Variants in ADAMTS9 observed in about 807,000 individuals in gnomAD.
ADAMTS9 encodes the protein A disintegrin and metalloproteinase with thrombospondin motifs 9.
In ADAMTS9, 107 loss-of-function variants were observed where a neutral mutation model predicts 257.1. That is an observed-to-expected ratio of 0.42 (90% confidence interval 0.36 to 0.49). ADAMTS9 has a LOEUF of 0.49. Among genes scored for constraint, ADAMTS9 ranks in the 20% least tolerant of loss-of-function variants. The pLI is 0.03. For missense variants in ADAMTS9, 2,353 were observed against 2,469.1 expected, an observed-to-expected ratio of 0.95 and a Z score of 1.00; for synonymous variants, 982 against 880.9, an observed-to-expected ratio of 1.11 and a Z score of -2.03.
chr3:64,677,694 T>A (rs1347855425), intron 3 of ADAMTS9, among the ~76,000 whole-genome samples: 1 of 152,232 alleles, frequency 6.6e-6, no homozygotes, highest in African/African-American at 2.4e-5. Flanking sequence ...GCTTTCATTA[T>A]TTCATACTCA....
Position 64,579,140 on chromosome 3 carries a change from G to A in ADAMTS9, c.4357-10605C>T, listed in dbSNP as rs530882547. ...TGCCCAACAGTCTGCCTCCATGTTC[G>A]TCTCCCTCAGTTTCATCTGTAATTT... On this transcript the variant is annotated intron_variant, in intron 28 of 39. Coordinates refer to ENST00000498707, the MANE Select transcript of ADAMTS9 (RefSeq NM_182920.2). 1.1e-4 allele frequency among the ~76,000 whole-genome samples: 17 copies of A among 152,058 alleles called. No individual in the cohort carries two copies. The South Asian group carries it at 3.5e-3, about 32-fold the overall frequency.
At chr3:64,572,758 G>T (rs1262255717) in intron 28 of ADAMTS9, among the ~76,000 whole-genome samples, 1 of 152,176 alleles carries the variant, frequency 6.6e-6, no homozygotes, top group Non-Finnish European at 1.5e-5. Context: ...AGGCTTCTGG[G>T]TGGGGCTGGA....
At chr3:64,619,032 C>T (rs1276974174) in intron 19 of ADAMTS9, among the ~76,000 whole-genome samples, 1 of 152,132 alleles carries the variant, frequency 6.6e-6, no homozygotes, top group East Asian at 1.9e-4. Context: ...ACAGCTCAAA[C>T]ATTATCTCCA....
intron 28 of ADAMTS9, 131 bp from the exon 29 acceptor site, chr3:64,568,666 T>C: frequency 9.3e-7 from 1 of 1,074,740 alleles, no homozygotes; most frequent in Non-Finnish European, 1.4e-6. Context: ...CAGCGCCAGT[T>C]TGGATAATAT....
chr3:64,561,520 A>C, intron 30 of ADAMTS9, 58 bp downstream of exon 30: 1 of 1,553,340 alleles, frequency 6.4e-7, no homozygotes, highest in African/African-American at 1.4e-5. Flanking sequence ...AGATGTGAGG[A>C]TAGCAAGGGG....
chr3:64,656,286 T>C (rs1238964643), intron 4 of ADAMTS9, among the ~76,000 whole-genome samples: 2 of 152,320 alleles, frequency 1.3e-5, no homozygotes, highest in African/African-American at 4.8e-5. Flanking sequence ...CTTGACAACC[T>C]CGTTAACCTG....
intron 12 of ADAMTS9, among the ~76,000 whole-genome samples, chr3:64,638,287 G>A (rs942323160): frequency 5.9e-5 from 9 of 152,280 alleles, no homozygotes; most frequent in African/African-American, 2.2e-4. Context: ...CCACAAGGAA[G>A]CTCTGAGCCA....
chr3:64,521,662 A>C (rs7625987), intron 39 of ADAMTS9: 3,843 of 152,498 alleles, frequency 0.025, 117 homozygotes, highest in East Asian at 0.071. Context: ...AGCTGGAGGC[A>C]ATTTTCCTAA....
At chr3:64,621,048 C>T (rs1027227632) in intron 19 of ADAMTS9, 66 bp downstream of exon 19, 5 of 1,540,368 alleles carry the variant, frequency 3.2e-6, no homozygotes, top group Non-Finnish European at 2.6e-6. Context: ...TTTGCTTCTC[C>T]TGCTGGGACC....
chr3:64,608,159 C>T (rs1284030138), intron 22 of ADAMTS9, among the ~76,000 whole-genome samples: 2 of 139,298 alleles, frequency 1.4e-5, no homozygotes, highest in Non-Finnish European at 3.0e-5. Context: ...GTTGCAAACA[C>T]CTACACTAAT....
At chr3:64,579,245 C>G (rs2083932615) in intron 28 of ADAMTS9, among the ~76,000 whole-genome samples, 1 of 152,286 alleles carries the variant, frequency 6.6e-6, no homozygotes, top group South Asian at 2.1e-4. Flanking sequence ...TGTACTCCCG[C>G]TTTCAGGCCT....
intron 3 of ADAMTS9, among the ~76,000 whole-genome samples, chr3:64,670,269 T>C (rs1040579383): frequency 6.6e-6 from 1 of 152,212 alleles, no homozygotes; most frequent in Admixed American, 6.5e-5. Flanking sequence ...TTTTCACCCC[T>C]GAGCTAAGAC....
intron 38 of ADAMTS9, among the ~76,000 whole-genome samples, chr3:64,527,267 T>C (rs1244822707): frequency 6.6e-6 from 1 of 152,254 alleles, no homozygotes; most frequent in African/African-American, 2.4e-5. Context: ...AGCTATTACA[T>C]ATAATTAAAT....
At chr3:64,630,286 G>T (rs995311269) in intron 16 of ADAMTS9, among the ~76,000 whole-genome samples, 2 of 152,190 alleles carry the variant, frequency 1.3e-5, no homozygotes, top group African/African-American at 2.4e-5. Context: ...AGACTGGGCT[G>T]GGCATGGTGG....
intron 3 of ADAMTS9, among the ~76,000 whole-genome samples, chr3:64,672,020 C>T (rs908987001): frequency 2.6e-5 from 4 of 152,120 alleles, no homozygotes; most frequent in African/African-American, 9.7e-5. Context: ...AGAAACTTTG[C>T]CATGTCTTAC....
At chr3:64,639,164 C>G (rs1700573438) in intron 12 of ADAMTS9, among the ~76,000 whole-genome samples, 1 of 152,046 alleles carries the variant, frequency 6.6e-6, no homozygotes, top group African/African-American at 2.4e-5. Flanking sequence ...TTGACTCCCC[C>G]AGAGCCATTG....
At chr3:64,575,370 G>C (rs541342051) in intron 28 of ADAMTS9, among the ~76,000 whole-genome samples, 3 of 152,170 alleles carry the variant, frequency 2.0e-5, no homozygotes, top group Non-Finnish European at 4.4e-5. Context: ...AGAATCTTCT[G>C]TCCCTAGCAC....
intron 30 of ADAMTS9, among the ~76,000 whole-genome samples, chr3:64,552,131 A>T (rs1486576356): frequency 1.3e-5 from 2 of 152,242 alleles, no homozygotes; most frequent in Non-Finnish European, 2.9e-5. Flanking sequence ...TCCGTTTTCC[A>T]GATGAAGAAA....
At chr3:64,627,122 G>A (rs1016747660) in intron 16 of ADAMTS9, among the ~76,000 whole-genome samples, 1 of 152,146 alleles carries the variant, frequency 6.6e-6, no homozygotes, top group African/African-American at 2.4e-5. Context: ...GTCAGATGCC[G>A]GTTCTGTAAA....
Sources: gnomAD v4.1 joint callset for allele counts (sites outside exome capture counted in the v4.1 genomes callset) on GRCh38, gnomAD v4.1.1 for gene constraint, MANE v1.5 for transcripts, NCBI Gene and HGNC (gene_info 2026-07-23, HGNC 2026-07-21) for gene names.